The following DDX3X variants were observed in gnomAD, a reference collection of about 807,000 sequenced individuals.
The protein encoded by DDX3X is ATP-dependent RNA helicase DDX3X.
Under a neutral mutation model 52.7 loss-of-function variants are expected in DDX3X, and 4 were observed. The observed-to-expected ratio is 0.08, with a 90% CI of 0.04 to 0.17. The LOEUF is 0.17. Among genes scored for constraint, DDX3X ranks in the 10% least tolerant of loss-of-function variants. The pLI, the probability that DDX3X is intolerant of heterozygous loss-of-function variation, is 1.00. For synonymous variants in DDX3X, 192 were observed against 178.1 expected, an observed-to-expected ratio of 1.08 and a Z score of -0.62; for missense variants, 222 against 548.6, an observed-to-expected ratio of 0.40 and a Z score of 5.95.
intron 1 of DDX3X, chrX:41,334,936 C>T (rs1055054485): frequency 1.6e-5 from 4 of 250,508 alleles, no homozygotes; most frequent in Admixed American, 7.6e-5. Flanking sequence ...CTTGTTTTTT[C>T]CCGGGTTCCT....
chrX:41,343,382 T>C (rs1159122049), intron 7 of DDX3X, 31 bp downstream of exon 7: 2 of 1,160,048 alleles, frequency 1.7e-6, no homozygotes, highest in African/African-American at 3.6e-5. Flanking sequence ...TAAAACATCA[T>C]ATTTCTTCTG....
intron 2 of DDX3X, 118 bp downstream of exon 2, chrX:41,337,583 T>C: frequency 3.7e-6 from 2 of 543,607 alleles, no homozygotes; most frequent in South Asian, 6.2e-5. Context: ...TAAAGAATTA[T>C]GTAGTCTTTG....
intron 6 of DDX3X, 62 bp from the exon 7 acceptor site, chrX:41,343,151 CATT>C (rs1427509424): frequency 8.9e-7 from 1 of 1,118,697 alleles, no homozygotes; most frequent in East Asian, 3.0e-5. Context: ...TGGTTGTTTC[CATT>C]ATTAGTATAA....
At chrX:41,342,281 C>A in intron 4 of DDX3X, 2 of 402,723 alleles carry the variant, frequency 5.0e-6, no homozygotes, top group South Asian at 4.7e-5. Flanking sequence ...GGCTATACAA[C>A]TTTATAGAAA....
intron 5 of DDX3X, among the ~76,000 whole-genome samples, chrX:41,361,561 A>C (rs1198323477): frequency 9.0e-6 from 1 of 111,202 alleles, no homozygotes; most frequent in Admixed American, 9.7e-5. Flanking sequence ...TTGTCGTTTT[A>C]CTAGGCCCTT....
Position 41,349,752 on chromosome X carries a change from TTAGTAAA to T in DDX3X, c.*2034_*2040del, listed in dbSNP as rs1405933685. 8.9e-6 allele frequency: 1 copy of T among 111,853 alleles called. No individual in the cohort carries two copies. The highest frequency in any genetic ancestry group is 1.9e-5 in the Non-Finnish European group (1 of 53,152). The allele number at this position is 111,853 out of a possible 1,213,427, so 9.2% of individuals were successfully genotyped here. A position where few individuals can be genotyped will look rare whatever the true frequency, so the allele number is the denominator to read the frequency against. On this transcript the variant is annotated 3_prime_UTR_variant, in exon 17 of 17. Transcript: ENST00000644876. ...GCAGTGTAGCCATAACTTTCTGATG[TTAGTAAA>T]AACAAAATTGGCGACTTGAAATTAA... is the stretch of plus-strand genomic sequence containing the variant.
chrX:41,339,094 A>C lies in DDX3X; in HGVS notation c.151+11A>C. 1 of 1,058,860 alleles carries C rather than the reference A, an allele frequency of 9.4e-7. No individual in the cohort carries two copies. Among genetic ancestry groups the C allele is most frequent in the Non-Finnish European group, 1.3e-6 (1 of 799,523 alleles). The allele number at this position is 1,058,860 out of a possible 1,213,427, so 87.3% of individuals were successfully genotyped here. On this transcript the variant is annotated intron_variant, in intron 3 of 16. Transcript: ENST00000644876. Reference sequence around the variant, plus strand: ...GAGAAGCTACTAAAGGTAGGTCCTCACAAGTAACTTCGTAGGTCTATTTTT... The same window carrying C: ...GAGAAGCTACTAAAGGTAGGTCCTCCCAAGTAACTTCGTAGGTCTATTTTT...
In DDX3X at chrX:41,350,206, A is replaced by G. The variant is rs2063972911; in HGVS notation, c.*2487A>G. 1 of 112,461 alleles carries G rather than the reference A, an allele frequency of 8.9e-6. No homozygotes were observed. Among genetic ancestry groups the G allele is most frequent in the African/African-American group, 3.2e-5 (1 of 30,893 alleles). The allele number at this position is 112,461 out of a possible 1,213,427, so 9.3% of individuals were successfully genotyped here. A position where few individuals can be genotyped will look rare whatever the true frequency, so the allele number is the denominator to read the frequency against. ...ATTAAAATAAAAAGTTGAACTGCAC[A>G]GTCTCCTTTGTTGTTGTCAATTGTG... On this transcript the variant is annotated 3_prime_UTR_variant, in exon 17 of 17. Transcript: ENST00000644876.
rs1439789058 is a variant in DDX3X, at chrX:41,342,599, A to C, written c.389A>C (p.Lys130Thr). The change falls in exon 5 of 17, where the codon AAA becomes ACA. Residue 130 changes from lysine (K) to threonine (T), a missense_variant. By Grantham distance (78) the Lys-to-Thr change is moderately conservative. Coordinates refer to ENST00000644876, the MANE Select transcript of DDX3X (RefSeq NM_001356.5). ...GGTGGAAACAGTCGCTGGTGTGACAAATCAGATGAAGATGATTGGTCAAAA... is the reference window on the plus strand; with the variant it reads ...GGTGGAAACAGTCGCTGGTGTGACACATCAGATGAAGATGATTGGTCAAAA... ...ERGGNSRWCDKSDEDDWSKPL... is the reference protein window; with the variant it reads ...ERGGNSRWCDTSDEDDWSKPL... The C allele has an allele frequency of 1.7e-6, 2 of 1,211,998 alleles. No homozygotes were observed. Among genetic ancestry groups the C allele is most frequent in the Non-Finnish European group, 2.2e-6 (2 of 895,580 alleles).
intron 2 of DDX3X, 159 bp downstream of exon 2, chrX:41,337,624 A>G (rs929605483): frequency 2.5e-6 from 1 of 398,423 alleles, no homozygotes; most frequent in Non-Finnish European, 4.1e-6. Flanking sequence ...CTTAGTGATC[A>G]ATCTAAAGCA....
At position 41,344,538 on chromosome X, in the gene DDX3X, A is replaced by G. The variant is rs995108924; in HGVS notation, c.1025+139A>G. 4.2e-6 allele frequency: 3 copies of G among 709,573 alleles called. No individual in the cohort carries two copies. In the Admixed American group the frequency reaches 7.6e-5, roughly 18 times the overall value. The allele number at this position is 709,573 out of a possible 1,213,427, so 58.5% of individuals were successfully genotyped here. On this transcript the variant is annotated intron_variant, in intron 10 of 16. Transcript: ENST00000644876. ...CCACAACCTCTGCCTCCCGGGTTCA[A>G]GCGATTCTCCTGCCTCAGCCTCCCA... is the stretch of plus-strand genomic sequence containing the variant.
downstream of DDX3X, chrX:41,351,799 TTTCTC>T (rs1222358296): frequency 2.7e-5 from 3 of 111,450 alleles, no homozygotes; most frequent in Non-Finnish European, 3.8e-5. Context: ...TCCTCTTAGT[TTTCTC>T]TACATACACT....
At chrX:41,356,073 T>G (rs905989876) in intron 5 of DDX3X, among the ~76,000 whole-genome samples, 1 of 111,192 alleles carries the variant, frequency 9.0e-6, no homozygotes, top group Non-Finnish European at 1.9e-5. Context: ...AAAGGTCTTT[T>G]GCAGAGCAAA....
downstream of DDX3X, among the ~76,000 whole-genome samples, chrX:41,352,358 T>G (rs1278612788): frequency 8.9e-6 from 1 of 112,074 alleles, no homozygotes; most frequent in Non-Finnish European, 1.9e-5. Context: ...TGTTTCATTT[T>G]TCGAGAGAAG....
At chrX:41,338,901 C>T (rs2063808480) in intron 2 of DDX3X, 135 bp from the exon 3 acceptor site, 2 of 220,956 alleles carry the variant, frequency 9.1e-6, no homozygotes, top group Non-Finnish European at 1.6e-5. Context: ...TTTCCCCCCT[C>T]TCAGTGTCCA....
At chrX:41,334,086 A>C, upstream of DDX3X, 1 of 468,818 alleles carries the variant, frequency 2.1e-6, no homozygotes, top group Non-Finnish European at 3.7e-6. Flanking sequence ...TGTGAGAGGG[A>C]GGGCACACGT....
At chrX:41,341,642 G>A (rs1157258671) in intron 4 of DDX3X, 26 bp downstream of exon 4, 3 of 1,192,864 alleles carry the variant, frequency 2.5e-6, no homozygotes, top group Admixed American at 2.2e-5. Context: ...ATCACCTTAC[G>A]TGTATGTATA....
chrX:41,342,078 T>G (rs763011286), intron 4 of DDX3X: 24 of 153,713 alleles, frequency 1.6e-4, no homozygotes, highest in Non-Finnish European at 1.6e-4. Flanking sequence ...TTATCCAAAG[T>G]CTGTCACACA....
chrX:41,343,855 G>T (rs1458795970), intron 8 of DDX3X, 33 bp downstream of exon 8: 6 of 1,134,183 alleles, frequency 5.3e-6, no homozygotes, highest in Non-Finnish European at 7.2e-6. Flanking sequence ...GGAAATTGTA[G>T]AACTTTGTAG....
Sources: gnomAD v4.1 joint callset for allele counts (sites outside exome capture counted in the v4.1 genomes callset) on GRCh38, gnomAD v4.1.1 for gene constraint, MANE v1.5 for transcripts, NCBI Gene and HGNC (gene_info 2026-07-23, HGNC 2026-07-21) for gene names.